MED28: variants seen among roughly 807,000 people sequenced by gnomAD.
MED28 encodes mediator complex subunit 28, also known as mediator of RNA polymerase II transcription subunit 28.
MED28 carries 26 observed loss-of-function variants against 21.3 expected under a neutral mutation model. That is an observed-to-expected ratio of 1.22 (90% CI 0.89 to 1.69). The LOEUF (loss-of-function observed/expected upper bound fraction) is 1.69, where lower values mean the gene tolerates loss of function less well. Among genes scored for constraint, MED28 ranks in the 40% most tolerant of loss-of-function variants. MED28 has a pLI of 0.00. For synonymous variants in MED28, 110 were observed against 87.6 expected, an observed-to-expected ratio of 1.26 and a Z score of -1.43; for missense variants, 257 against 215.4, an observed-to-expected ratio of 1.19 and a Z score of -1.21.
chr4:17,629,313 A>G lies in MED28; in HGVS notation c.*5515A>G, dbSNP rs1390943687. On this transcript the variant is annotated 3_prime_UTR_variant, in exon 4 of 4. Coordinates refer to ENST00000237380, the MANE Select transcript of MED28 (RefSeq NM_025205.5). ...TCAGTGCTACCCTTGGAAATCTGAC[A>G]GATACAGTAAGATGGTCCCTATCAT... 6.6e-6 allele frequency: 1 copy of G among 152,236 alleles called. No homozygotes were observed. The highest frequency in any genetic ancestry group is 1.9e-4 in the East Asian group (1 of 5,198). 9.4% of individuals were successfully genotyped at this position (152,236 alleles called of 1,614,324 possible). A position where few individuals can be genotyped will look rare whatever the true frequency, so the allele number is the denominator to read the frequency against.
At chr4:17,623,002 C>T (rs1163954224) in intron 3 of MED28, among the ~76,000 whole-genome samples, 1 of 152,184 alleles carries the variant, frequency 6.6e-6, no homozygotes, top group African/African-American at 2.4e-5. Context: ...GTAGGAGTTA[C>T]AATTCAAGAT....
rs1175023140 is a variant in MED28 at position 17,625,983 on chromosome 4, C to T, written c.*2185C>T. 1.2e-5 allele frequency: 2 copies of T among 164,046 alleles called. No homozygotes were observed. Among genetic ancestry groups the T allele is most frequent in the African/African-American group, 4.8e-5 (2 of 41,628 alleles). 10.2% of individuals were successfully genotyped at this position (164,046 alleles called of 1,614,324 possible). A position where few individuals can be genotyped will look rare whatever the true frequency, so the allele number is the denominator to read the frequency against. On this transcript the variant is annotated 3_prime_UTR_variant, in exon 4 of 4. Transcript: ENST00000237380. ...TCTTCTAGAAGCCTTATAACAGAAT[C>T]AATATTGTTTTTCCCATTTTCACAG...
chr4:17,621,435 TG>T (rs1714627394), intron 2 of MED28, 151 bp from the exon 3 acceptor site: 1 of 531,634 alleles, frequency 1.9e-6, no homozygotes, highest in Non-Finnish European at 3.3e-6. Context: ...CATGAGAAGT[TG>T]GGGGTTATGA....
intron 1 of MED28, among the ~76,000 whole-genome samples, chr4:17,618,013 C>CTTTTTTTTTTTTTTTTTTTTTTT (rs529883796): frequency 8.5e-6 from 1 of 117,918 alleles, no homozygotes; most frequent in East Asian, 2.5e-4. Flanking sequence ...CTTTTCTTTT[C>CTTTTTTTTTTTTTTTTTTTTTTT]TTTTTTTTTT....
At chr4:17,616,285 TAGGAGG>T (rs965641465) in intron 1 of MED28, among the ~76,000 whole-genome samples, 8 of 152,086 alleles carry the variant, frequency 5.3e-5, no homozygotes, top group African/African-American at 1.9e-4. Context: ...ACAGACCGTT[TAGGAGG>T]AGGAGGAGGA....
In MED28 at chr4:17,624,044, A is replaced by T; in HGVS notation, c.*246A>T. 1 of 495,128 alleles carries T rather than the reference A, an allele frequency of 2.0e-6. No homozygotes were observed. The highest frequency in any genetic ancestry group is 2.7e-5 in the South Asian group (1 of 37,704). The allele number at this position is 495,128 out of a possible 1,614,324, so 30.7% of individuals were successfully genotyped here. A position where few individuals can be genotyped will look rare whatever the true frequency, so the allele number is the denominator to read the frequency against. On this transcript the variant is annotated 3_prime_UTR_variant, in exon 4 of 4. Coordinates refer to ENST00000237380, the MANE Select transcript of MED28 (RefSeq NM_025205.5). The stretch of plus-strand genomic sequence containing the variant: ...TTTTTTTGTCTTTAGCAAAGTTTAG[A>T]CTGTGAATATGATGACACAGATTCT...
chr4:17,623,548 G>C, intron 3 of MED28, 53 bp from the exon 4 acceptor site: 2 of 1,558,066 alleles, frequency 1.3e-6, no homozygotes, highest in Non-Finnish European at 1.8e-6. Context: ...AACCAGAACC[G>C]TATGTGTTTT....
In MED28 at chr4:17,633,604, G is replaced by A; in HGVS notation, c.*9806G>A. On this transcript the variant is annotated 3_prime_UTR_variant, in exon 4 of 4. Coordinates refer to ENST00000237380, the MANE Select transcript of MED28 (RefSeq NM_025205.5). ...ATGAAAAAAGGCCTTCTGGAATTTG[G>A]TACCAGGTGCTAGAAAGAATCCTAC... 2 of 1,238,386 alleles carry A rather than the reference G, an allele frequency of 1.6e-6. No individual in the cohort carries two copies. Among genetic ancestry groups the A allele is most frequent in the Non-Finnish European group, 2.1e-6 (2 of 943,708 alleles). 76.7% of individuals were successfully genotyped at this position (1,238,386 alleles called of 1,614,324 possible). A position where few individuals can be genotyped will look rare whatever the true frequency, so the allele number is the denominator to read the frequency against.
Position 17,627,007 on chromosome 4 carries a change from C to G in MED28, c.*3209C>G, listed in dbSNP as rs10012335. Reference sequence around the variant, plus strand: ...TGAGATGGAGTCTTGCTCTGTCGCCCGGTTAGAGTGCAGTGGTGCAATCTC... The same window carrying G: ...TGAGATGGAGTCTTGCTCTGTCGCCGGGTTAGAGTGCAGTGGTGCAATCTC... On this transcript the variant is annotated 3_prime_UTR_variant, in exon 4 of 4. Transcript: ENST00000237380. The G allele has an allele frequency of 0.58, 86,004 of 148,494 alleles. 25,924 individuals carry two copies. Among genetic ancestry groups the G allele is most frequent in the East Asian group, 0.88 (4,440 of 5,046 alleles). The allele number at this position is 148,494 out of a possible 1,614,324, so 9.2% of individuals were successfully genotyped here.
At chr4:17,615,922 G>A (rs1039436553) in intron 1 of MED28, among the ~76,000 whole-genome samples, 1 of 152,204 alleles carries the variant, frequency 6.6e-6, no homozygotes, top group African/African-American at 2.4e-5. Context: ...TATTCAGACT[G>A]CATGGACAAA....
rs374041125 is a variant in MED28 at position 17,633,730 on chromosome 4, G to A, written c.*9932G>A. 9.9e-5 allele frequency: 154 copies of A among 1,549,698 alleles called. No individual in the cohort carries two copies. The highest frequency in any genetic ancestry group is 1.2e-4 in the Non-Finnish European group (140 of 1,146,160). On this transcript the variant is annotated 3_prime_UTR_variant, in exon 4 of 4. Transcript: ENST00000237380. The stretch of plus-strand genomic sequence containing the variant: ...CATCTGTAGACTGGTTGGGTTTGTA[G>A]GTCCGGCCACAGCTGGGGCTTGGGT...
In MED28 at chr4:17,628,255, C is replaced by CATGTGTGTGT. The variant is rs1553825962; in HGVS notation, c.*4457_*4458insATGTGTGTGT. ...GCTGGTTAAAACGAGTGACAGCTGC[C>CATGTGTGTGT]GTGTGTGTGTGTGTGTGTGTGTGTG... On this transcript the variant is annotated 3_prime_UTR_variant, in exon 4 of 4. Coordinates refer to ENST00000237380, the MANE Select transcript of MED28 (RefSeq NM_025205.5). 2.1e-5 allele frequency: 3 copies of CATGTGTGTGT among 140,812 alleles called. No homozygotes were observed. The highest frequency in any genetic ancestry group is 2.7e-5 in the African/African-American group (1 of 37,524). 8.7% of individuals were successfully genotyped at this position (140,812 alleles called of 1,614,324 possible). A position where few individuals can be genotyped will look rare whatever the true frequency, so the allele number is the denominator to read the frequency against.
chr4:17,630,246 G>C lies in MED28; in HGVS notation c.*6448G>C, dbSNP rs1178785379. The C allele has an allele frequency of 6.6e-6, 1 of 152,044 alleles. No individual in the cohort carries two copies. The highest frequency in any genetic ancestry group is 6.6e-5 in the Admixed American group (1 of 15,248). 9.4% of individuals were successfully genotyped at this position (152,044 alleles called of 1,614,324 possible). A position where few individuals can be genotyped will look rare whatever the true frequency, so the allele number is the denominator to read the frequency against. On this transcript the variant is annotated 3_prime_UTR_variant, in exon 4 of 4. Transcript: ENST00000237380. The stretch of plus-strand genomic sequence containing the variant: ...CACAAAATAAAGAGCAGTCCTACAG[G>C]GTTCACTGCTATGTCCTGAATGTTG...
chr4:17,623,794 C>A lies in MED28; in HGVS notation c.533C>A (p.Thr178Lys). 1 of 1,613,190 alleles carries A rather than the reference C, an allele frequency of 6.2e-7. No homozygotes were observed. Among genetic ancestry groups the A allele is most frequent in the Non-Finnish European group, 8.5e-7 (1 of 1,179,516 alleles). ...SANIPAPLKP[T>K] is the part of the protein sequence containing the mutation. The stretch of plus-strand genomic sequence containing the variant: ...AACATCCCTGCACCTCTGAAGCCAA[C>A]GTGAGCAAAGGGCAGAGGCAGTTGG... Residue 178 changes from threonine (T) to lysine (K), a missense_variant, in exon 4 of 4, where the codon ACG becomes AAG. Coordinates refer to ENST00000237380, the MANE Select transcript of MED28 (RefSeq NM_025205.5).
Position 17,633,673 on chromosome 4 carries a change from C to T in MED28, c.*9875C>T. ...GGAAATAGAATAAGGGCCCCTGTCC[C>T]CAACATCCCCCAAACCTTGTGGCAG... On this transcript the variant is annotated 3_prime_UTR_variant, in exon 4 of 4. Transcript: ENST00000237380. The T allele has an allele frequency of 6.7e-7, 1 of 1,497,990 alleles. No homozygotes were observed. Among genetic ancestry groups the T allele is most frequent in the Non-Finnish European group, 8.9e-7 (1 of 1,118,718 alleles). The allele number at this position is 1,497,990 out of a possible 1,614,324, so 92.8% of individuals were successfully genotyped here. A position where few individuals can be genotyped will look rare whatever the true frequency, so the allele number is the denominator to read the frequency against.
Position 17,625,073 on chromosome 4 carries a change from A to T in MED28, c.*1275A>T, listed in dbSNP as rs1714740254. ...TTCCCACATGGACTGACATCCACTC[A>T]TGTGCCTGATCCCTGAAGCCTCCCA... On this transcript the variant is annotated 3_prime_UTR_variant, in exon 4 of 4. Transcript: ENST00000237380. 1 of 152,174 alleles carries T rather than the reference A, an allele frequency of 6.6e-6. No individual in the cohort carries two copies. The highest frequency in any genetic ancestry group is 6.6e-5 in the Admixed American group (1 of 15,252). 9.4% of individuals were successfully genotyped at this position (152,174 alleles called of 1,614,324 possible). A position where few individuals can be genotyped will look rare whatever the true frequency, so the allele number is the denominator to read the frequency against.
rs1247226748 is a variant in MED28 at position 17,632,930 on chromosome 4, T to G, written c.*9132T>G. ...AACCTACAGATCAAGAGACTTTGTT[T>G]TTATTTTTTGTGACAGAGTCTCCCT... On this transcript the variant is annotated 3_prime_UTR_variant, in exon 4 of 4. Coordinates refer to ENST00000237380, the MANE Select transcript of MED28 (RefSeq NM_025205.5). 2 of 197,698 alleles carry G rather than the reference T, an allele frequency of 1.0e-5. No homozygotes were observed. Among genetic ancestry groups the G allele is most frequent in the African/African-American group, 4.6e-5 (2 of 43,308 alleles). The allele number at this position is 197,698 out of a possible 1,614,324, so 12.2% of individuals were successfully genotyped here.
intron 1 of MED28, among the ~76,000 whole-genome samples, chr4:17,615,275 G>T (rs1043254554): frequency 9.2e-5 from 14 of 152,198 alleles, no homozygotes; most frequent in Non-Finnish European, 1.5e-4. Flanking sequence ...TTGGTACTAA[G>T]AGCTGAGGAA....
intron 1 of MED28, 119 bp from the exon 2 acceptor site, chr4:17,619,782 T>G (rs774502417): frequency 1.2e-6 from 1 of 809,362 alleles, no homozygotes; most frequent in East Asian, 2.7e-5. Flanking sequence ...CCATCTCATA[T>G]GCAAACACAG....
Sources: gnomAD v4.1 joint callset for allele counts (sites outside exome capture counted in the v4.1 genomes callset) on GRCh38, gnomAD v4.1.1 for gene constraint, MANE v1.5 for transcripts, NCBI Gene and HGNC (gene_info 2026-07-23, HGNC 2026-07-21) for gene names.